Variants in NCKAP5 observed in about 807,000 individuals in gnomAD.
The protein encoded by NCKAP5 is nck-associated protein 5.
A neutral mutation model predicts 167.0 loss-of-function variants in NCKAP5; 92 were observed. The ratio of observed to expected loss-of-function variants is 0.55; its 90% CI spans 0.47 to 0.66. The LOEUF (loss-of-function observed/expected upper bound fraction) is 0.66. Ranked by LOEUF, NCKAP5 falls within the 30% of genes least tolerant of loss-of-function variation. The pLI, the probability that NCKAP5 is intolerant of heterozygous loss-of-function variation, is 0.00. For synonymous variants in NCKAP5, 891 were observed against 877.4 expected (o/e 1.02, Z -0.27); for missense variants, 2,378 against 2,315.0 (o/e 1.03, Z -0.56).
chr2:133,156,157 C>T (rs971983163), intron 5 of NCKAP5, among the ~76,000 whole-genome samples: 2 of 152,194 alleles, frequency 1.3e-5, no homozygotes, highest in Non-Finnish European at 2.9e-5. Context: ...ATCTATTTCC[C>T]ATTGGACTAC....
At chr2:132,878,161 C>T (rs1470523742) in intron 9 of NCKAP5, among the ~76,000 whole-genome samples, 3 of 152,102 alleles carry the variant, frequency 2.0e-5, no homozygotes, top group Admixed American at 6.6e-5. Flanking sequence ...CGGGGGAGGA[C>T]GAGGGCTCTG....
intron 6 of NCKAP5, among the ~76,000 whole-genome samples, chr2:132,999,115 TAAATACATATATGC>T (rs57538252): frequency 0.4 from 60,565 of 152,028 alleles, 12,942 homozygotes; most frequent in South Asian, 0.55. Flanking sequence ...GGAAACAAAC[TAAATACATATATGC>T]AAACAGTATG....
the NCKAP5 span, among the ~76,000 whole-genome samples, chr2:133,625,870 CAAAA>C: frequency 2.2e-5 from 2 of 89,000 alleles, no homozygotes; most frequent in Admixed American, 1.3e-4. Context: ...AGACTTGTCT[CAAAA>C]AAAAAAAAAA....
intron 7 of NCKAP5, among the ~76,000 whole-genome samples, chr2:132,976,327 G>A (rs746610814): frequency 2.0e-5 from 3 of 152,122 alleles, no homozygotes; most frequent in Non-Finnish European, 2.9e-5. Context: ...CACTTTGGGA[G>A]GCCAAGGCGG....
At chr2:133,507,847 T>C (rs117312424) in intron 3 of NCKAP5, among the ~76,000 whole-genome samples, 2 of 152,310 alleles carry the variant, frequency 1.3e-5, no homozygotes, top group East Asian at 3.9e-4. Flanking sequence ...TGAGAAATAC[T>C]GCTCCATTCA....
intron 6 of NCKAP5, among the ~76,000 whole-genome samples, chr2:133,091,756 G>A (rs948742097): frequency 6.6e-6 from 1 of 152,066 alleles, no homozygotes; most frequent in Non-Finnish European, 1.5e-5. Flanking sequence ...GCATGGTGGT[G>A]GGTGCCTGTA....
At chr2:133,014,039 T>C (rs975410485) in intron 6 of NCKAP5, among the ~76,000 whole-genome samples, 1 of 152,196 alleles carries the variant, frequency 6.6e-6, no homozygotes, top group African/African-American at 2.4e-5. Context: ...CTAACCTGTT[T>C]CCCTGACTAG....
At chr2:133,058,263 T>A (rs549341495) in intron 6 of NCKAP5, among the ~76,000 whole-genome samples, 1 of 152,322 alleles carries the variant, frequency 6.6e-6, no homozygotes, top group East Asian at 1.9e-4. Context: ...AGCCCATGGA[T>A]CAGAGTTATC....
chr2:133,242,119 CAAAAAAA>C (rs1176776551), intron 4 of NCKAP5, among the ~76,000 whole-genome samples: 1 of 48,280 alleles, frequency 2.1e-5, no homozygotes. Context: ...AACTCTGTCT[CAAAAAAA>C]AAAAAAAAAA....
chr2:132,758,189 C>T (rs755328227), intron 16 of NCKAP5, among the ~76,000 whole-genome samples: 62 of 152,176 alleles, frequency 4.1e-4, no homozygotes, highest in Non-Finnish European at 7.8e-4. Flanking sequence ...TGATGTTGGG[C>T]TTTCCTTTGT....
intron 16 of NCKAP5, among the ~76,000 whole-genome samples, chr2:132,749,753 A>C (rs968080814): frequency 3.3e-5 from 5 of 152,058 alleles, no homozygotes; most frequent in Non-Finnish European, 7.4e-5. Flanking sequence ...GGGAAAAAAA[A>C]CCTTCAAATG....
chr2:132,771,722 G>C (rs1183180948), intron 16 of NCKAP5, among the ~76,000 whole-genome samples: 5 of 151,228 alleles, frequency 3.3e-5, no homozygotes, highest in East Asian at 1.9e-4. Context: ...ACCCAGGCTA[G>C]AGTGCATTGG....
intron 2 of NCKAP5, among the ~76,000 whole-genome samples, chr2:133,557,601 A>T (rs1225787240): frequency 6.6e-6 from 1 of 152,270 alleles, no homozygotes; most frequent in African/African-American, 2.4e-5. Flanking sequence ...CATACAAAAC[A>T]TAGAGGGAAA....
At position 132,860,708 on chromosome 2, in the gene NCKAP5, A is replaced by C. The variant is rs1689829499; in HGVS notation, c.688-97T>G. 5 of 1,392,078 alleles carry C rather than the reference A, an allele frequency of 3.6e-6. No individual in the cohort carries two copies. In the Admixed American group the frequency reaches 1.4e-4, roughly 39 times the overall value. The allele number at this position is 1,392,078 out of a possible 1,614,324, so 86.2% of individuals were successfully genotyped here. On this transcript the variant is annotated intron_variant, in intron 10 of 19. Transcript: ENST00000409261. ...TATATATCTCAGATCATTAGTAAAA[A>C]ACGGTATTTTTATTCTTCAAAGCCC...
intron 11 of NCKAP5, among the ~76,000 whole-genome samples, chr2:132,806,852 T>C (rs1685480892): frequency 2.0e-5 from 3 of 152,214 alleles, no homozygotes; most frequent in African/African-American, 7.2e-5. Context: ...CCTAAGCCAA[T>C]GTCTAGAAGG....
chr2:132,788,232 G>C (rs759531031), intron 13 of NCKAP5, among the ~76,000 whole-genome samples: 13 of 152,182 alleles, frequency 8.5e-5, no homozygotes, highest in Admixed American at 5.2e-4. Flanking sequence ...TTGCTCTTGG[G>C]AAGCAGTGTG....
intron 4 of NCKAP5, chr2:133,268,248 G>C (rs1265947240): frequency 6.6e-6 from 1 of 152,154 alleles, no homozygotes; most frequent in Non-Finnish European, 1.5e-5. Context: ...ACTTATCTAG[G>C]CAGAGACTGT....
Position 132,782,710 on chromosome 2 carries a change from C to A in NCKAP5, c.4101G>T (p.Lys1367Asn). The change falls in exon 14 of 20, where the codon AAG (lysine) becomes AAT (asparagine). Residue 1367 changes from lysine (K) to asparagine (N), a missense_variant. By Grantham distance (94) the Lys-to-Asn change is moderately conservative. Around this residue, in one of 3 missense-constraint regions of NCKAP5, gnomAD observed 1,325 missense variants for 1,274.5 expected, o/e 1.04. Transcript: ENST00000409261. ...SFSSQHGSPS[K>N]LPLRIPPKSE... is the part of the protein sequence containing the mutation. ...ACTTTGGAGGGATCCTCAAAGGCAA[C>A]TTACTTGGGCTCCCATGCTGACTGC... 1 of 1,613,982 alleles carries A rather than the reference C, an allele frequency of 6.2e-7. No homozygotes were observed.
chr2:133,549,683 G>T (rs1380710563), intron 2 of NCKAP5, among the ~76,000 whole-genome samples: 2 of 135,780 alleles, frequency 1.5e-5, no homozygotes, highest in Non-Finnish European at 3.2e-5. Context: ...ACAATTAAAA[G>T]AACTAGAAAA....
Sources: allele counts gnomAD v4.1 joint callset (sites outside exome capture counted in the v4.1 genomes callset), GRCh38; gene constraint gnomAD v4.1.1; regional missense constraint gnomAD v4.1.1; transcripts MANE v1.5; gene names NCBI Gene and HGNC (gene_info 2026-07-23, HGNC 2026-07-21).